The following B9D1 variants were observed in gnomAD, a reference collection of about 807,000 sequenced individuals.
The protein encoded by B9D1 is B9 domain containing 1.
In B9D1, 20 loss-of-function variants were observed where a neutral mutation model predicts 26.1. That is an observed-to-expected ratio of 0.77 (90% confidence interval 0.54 to 1.12). B9D1 has a LOEUF of 1.12. B9D1 is among the 50% of genes most tolerant of loss of function. The probability of loss-of-function intolerance (pLI) is 0.00; values close to 1 mark genes in which losing one functional copy is unlikely to be tolerated. For missense variants in B9D1, 260 were observed against 273.7 expected, an observed-to-expected ratio of 0.95 and a Z score of 0.35; for synonymous variants, 105 against 103.1, an observed-to-expected ratio of 1.02 and a Z score of -0.11.
chr17:19,341,193 G>T, downstream of B9D1: 1 of 1,231,550 alleles, frequency 8.1e-7, no homozygotes. Flanking sequence ...AATGGGGCCT[G>T]AGGCTTGTAC....
At chr17:19,343,680 G>A (rs754150073) in intron 6 of B9D1, 110 bp downstream of exon 6, 1 of 1,609,388 alleles carries the variant, frequency 6.2e-7, no homozygotes, top group East Asian at 2.2e-5. Context: ...TTGTGGGCTA[G>A]CTCCTATGTG....
At chr17:19,356,109 T>G (rs2152272088) in intron 3 of B9D1, among the ~76,000 whole-genome samples, 1 of 152,260 alleles carries the variant, frequency 6.6e-6, no homozygotes. Context: ...TCTTTTTTTT[T>G]GAGACAGGGT....
At position 19,343,211 on chromosome 17, in the gene B9D1, T is replaced by C. The variant is rs574693620; in HGVS notation, c.*108A>G. ...GAGACTTTATTATACAAAACTATTC[T>C]GTGTGCCCCCAGCTCTGGCCACCAG... On this transcript the variant is annotated 3_prime_UTR_variant, in exon 7 of 7. Transcript: ENST00000261499. 9 of 1,567,468 alleles carry C rather than the reference T, an allele frequency of 5.7e-6. No individual in the cohort carries two copies. The East Asian group carries it at 2.0e-4, about 36-fold the overall frequency.
chr17:19,351,021 T>G (rs893887502), intron 3 of B9D1, among the ~76,000 whole-genome samples: 18 of 152,214 alleles, frequency 1.2e-4, no homozygotes, highest in African/African-American at 4.3e-4. Flanking sequence ...GTATTTTTAG[T>G]AGAGAAGGAG....
At position 19,362,515 on chromosome 17, in the gene B9D1, T is replaced by G. The variant is rs1280021718; in HGVS notation, c.55A>C (p.Ser19Arg). The G allele has an allele frequency of 3.8e-6, 6 of 1,573,222 alleles. No homozygotes were observed. Among genetic ancestry groups the G allele is most frequent in the Non-Finnish European group, 5.2e-6 (6 of 1,159,736 alleles). The change falls in exon 1 of 7, where the codon AGC (serine) becomes CGC (arginine). Residue 19 changes from serine (S) to arginine (R), a missense_variant. Transcript: ENST00000261499. ...GGTCCACGGCCGCTCACCTGGGCGC[T>G]CTCCACCTGCCCGTTGACCATGAGT... ...FLLMVNGQVESAQFPEYDDLY... is the reference protein window; with the variant it reads ...FLLMVNGQVERAQFPEYDDLY...
chr17:19,369,773 T>G (rs572859237), intron 1 of B9D1, among the ~76,000 whole-genome samples: 1 of 152,232 alleles, frequency 6.6e-6, no homozygotes, highest in Non-Finnish European at 1.5e-5. Context: ...CTGGGTATCC[T>G]GTATTTTAGC....
chr17:19,342,923 G>C (rs1354907945), downstream of B9D1: 1 of 279,448 alleles, frequency 3.6e-6, no homozygotes, highest in Non-Finnish European at 6.1e-6. Context: ...AGGGTGCCAT[G>C]CCCAGTTAGT....
intron 1 of B9D1, among the ~76,000 whole-genome samples, chr17:19,369,931 C>T (rs549123632): frequency 6.6e-6 from 1 of 152,292 alleles, no homozygotes; most frequent in Admixed American, 6.5e-5. Flanking sequence ...ACATGGCCCA[C>T]ACCCCAAGTC....
rs1911949319 is a variant in B9D1, at chr17:19,372,639, C to A, written c.-298+5220G>T. Among the ~76,000 whole-genome samples the A allele has an allele frequency of 6.6e-6, 1 of 152,206 alleles. No homozygotes were observed. On this transcript the variant is annotated intron_variant, in intron 1 of 5. Coordinates refer to the B9D1 transcript ENST00000477478. This position sits in a 1 kb window ranked among gnomAD's most constrained non-coding sequence, Gnocchi z 4.4. Reference sequence around the variant, plus strand: ...ATCTCGGTGCCTGTCACAGATTTCCCTCATCAGAGAAAGCTGGGACTTGTG... The same window carrying A: ...ATCTCGGTGCCTGTCACAGATTTCCATCATCAGAGAAAGCTGGGACTTGTG...
At chr17:19,358,946 G>A (rs1019870807) in intron 2 of B9D1, among the ~76,000 whole-genome samples, 2 of 152,164 alleles carry the variant, frequency 1.3e-5, no homozygotes, top group Non-Finnish European at 2.9e-5. Flanking sequence ...AAAGGCAGCT[G>A]CCTACTTCTA....
At position 19,377,770 on chromosome 17, in the gene B9D1, A is replaced by G. The variant is rs112275899; in HGVS notation, c.-298+89T>C. ...CGCCCACCCGCGGGCTCCGCAGAGG[A>G]GCAGAGGTTGGGCGGCCGCCTCGGT... On this transcript the variant is annotated intron_variant, in intron 1 of 5. Coordinates refer to the B9D1 transcript ENST00000477478. The G allele has an allele frequency of 2.2e-3, 2,046 of 932,884 alleles. 106 individuals carry two copies. The East Asian group carries it at 0.12, about 56-fold the overall frequency. The allele number at this position is 932,884 out of a possible 1,614,324, so 57.8% of individuals were successfully genotyped here.
intron 3 of B9D1, among the ~76,000 whole-genome samples, chr17:19,356,100 CT>C (rs202098322): frequency 6.6e-6 from 1 of 151,152 alleles, no homozygotes; most frequent in Non-Finnish European, 1.5e-5. Context: ...AGTTTTCTTT[CT>C]TTTTTTTTGA....
upstream of B9D1, among the ~76,000 whole-genome samples, chr17:19,365,604 G>A (rs76870329): frequency 2.9e-3 from 440 of 152,256 alleles, 4 homozygotes; most frequent in East Asian, 9.5e-3. The surrounding 1 kb of genome is among the most constrained non-coding windows in gnomAD (Gnocchi z 5.0). Context: ...GCTCAGCTCC[G>A]GGTCCCAGGG....
downstream of B9D1, chr17:19,337,848 C>G: frequency 2.2e-6 from 1 of 446,030 alleles, no homozygotes; most frequent in Non-Finnish European, 4.4e-6. Flanking sequence ...ATTAGGCCCT[C>G]GGCCCCCATC....
At position 19,347,117 on chromosome 17, in the gene B9D1, A is replaced by T. The variant is rs1358960677; in HGVS notation, c.404+152T>A. On this transcript the variant is annotated intron_variant, in intron 5 of 6. Transcript: ENST00000261499. The surrounding 1 kb of genome is among the most constrained non-coding windows in gnomAD (Gnocchi z 4.3). ...AGGGCTGAAGGGAGCCCCGTGACTC[A>T]GCACTCCCAGGGGACCTGTTTCTAT... The T allele has an allele frequency of 6.3e-7, 1 of 1,580,982 alleles. No homozygotes were observed. Among genetic ancestry groups the T allele is most frequent in the South Asian group, 1.1e-5 (1 of 87,486 alleles).
intron 1 of B9D1, among the ~76,000 whole-genome samples, chr17:19,369,874 T>C (rs1911801987): frequency 6.6e-6 from 1 of 152,114 alleles, no homozygotes; most frequent in East Asian, 1.9e-4. Flanking sequence ...GGCCATTCCC[T>C]CCTCCTGAGA....
chr17:19,344,176 T>A (rs1908387298), intron 5 of B9D1, among the ~76,000 whole-genome samples: 1 of 152,082 alleles, frequency 6.6e-6, no homozygotes, highest in South Asian at 2.1e-4. Flanking sequence ...AGGAAGATTC[T>A]GGGGTGGGGG....
At chr17:19,338,880 T>G (rs1272713110), downstream of B9D1, among the ~76,000 whole-genome samples, 2 of 152,164 alleles carry the variant, frequency 1.3e-5, no homozygotes, top group Non-Finnish European at 2.9e-5. Flanking sequence ...GGATCATGAG[T>G]GATAAATGAT....
At chr17:19,361,766 C>G (rs900728491) in intron 1 of B9D1, among the ~76,000 whole-genome samples, 1 of 152,196 alleles carries the variant, frequency 6.6e-6, no homozygotes, top group Admixed American at 6.5e-5. Flanking sequence ...TAAACACCAC[C>G]TCCAACAGCC....
Sources: gnomAD v4.1 joint callset for allele counts (sites outside exome capture counted in the v4.1 genomes callset) on GRCh38, gnomAD v4.1.1 for gene constraint, Gnocchi (gnomAD v3.1) non-coding constraint, MANE v1.5 for transcripts, NCBI Gene and HGNC (gene_info 2026-07-23, HGNC 2026-07-21) for gene names.